The following OTOGL variants were observed in gnomAD, a reference collection of about 807,000 sequenced individuals.
OTOGL encodes otogelin-like protein.
In OTOGL, 285 loss-of-function variants were observed where a neutral mutation model predicts 318.5. The observed-to-expected ratio is 0.89, with a 90% confidence interval of 0.81 to 0.99. The LOEUF (loss-of-function observed/expected upper bound fraction) is 0.99, where lower values mean the gene tolerates loss of function less well. OTOGL is among the 50% of genes least tolerant of loss of function. The probability of loss-of-function intolerance (pLI) is 0.00; values close to 1 mark genes in which losing one functional copy is unlikely to be tolerated. For synonymous variants in OTOGL, 987 were observed against 936.5 expected (o/e 1.05, Z -0.99); for missense variants, 2,899 against 2,845.6 (o/e 1.02, Z -0.43).
At chr12:80,309,432 G>GGA (rs1886482240) in intron 29 of OTOGL, among the ~76,000 whole-genome samples, 4 of 152,250 alleles carry the variant, frequency 2.6e-5, no homozygotes, top group Non-Finnish European at 4.4e-5. Flanking sequence ...GGAAAGGAGG[G>GGA]AGCAGCCACC....
intron 1 of OTOGL, among the ~76,000 whole-genome samples, chr12:80,109,113 G>A (rs1869677303): frequency 1.3e-5 from 2 of 151,276 alleles, no homozygotes; most frequent in African/African-American, 4.9e-5. Context: ...GGTTCATCTT[G>A]TGCTTCTTAT....
At chr12:80,152,031 A>T (rs1262479453) in intron 1 of OTOGL, among the ~76,000 whole-genome samples, 3 of 152,180 alleles carry the variant, frequency 2.0e-5, no homozygotes, top group Non-Finnish European at 4.4e-5. Flanking sequence ...TTAAGTTATG[A>T]TAGATCTGAG....
intron 26 of OTOGL, among the ~76,000 whole-genome samples, chr12:80,292,641 G>C (rs1274954705): frequency 6.6e-6 from 1 of 152,180 alleles, no homozygotes; most frequent in African/African-American, 2.4e-5. Flanking sequence ...GTCTGTGCAT[G>C]ACAAAAGTCT....
intron 8 of OTOGL, among the ~76,000 whole-genome samples, chr12:80,231,890 G>T (rs1341072361): frequency 6.6e-6 from 1 of 151,312 alleles, no homozygotes; most frequent in Non-Finnish European, 1.5e-5. Context: ...ACCCACCTTG[G>T]CCTCCCAAAG....
Position 80,367,704 on chromosome 12 carries a change from T to C in OTOGL, c.6475T>C (p.Phe2159Leu), listed in dbSNP as rs1890634721. The change falls in exon 54 of 59, where the codon TTT (phenylalanine) becomes CTT (leucine). Residue 2159 changes from phenylalanine to leucine, a missense_variant. Phe to Leu is a conservative substitution (Grantham distance 22). Transcript: ENST00000547103. ...DNHTGFHTLN[F>L]TLVNCSKKCD... ...CCATACGGGCTTTCACACTCTGAAT[T>C]TTACACTGGTGAATTGTTCAAAAAA... 5 of 1,461,338 alleles carry C rather than the reference T, an allele frequency of 3.4e-6. No individual in the cohort carries two copies. Among genetic ancestry groups the C allele is most frequent in the Middle Eastern group, 1.8e-4 (1 of 5,544 alleles). 90.5% of individuals were successfully genotyped at this position (1,461,338 alleles called of 1,614,324 possible). A position where few individuals can be genotyped will look rare whatever the true frequency, so the allele number is the denominator to read the frequency against.
intron 34 of OTOGL, among the ~76,000 whole-genome samples, chr12:80,323,097 TACACACACACACACACACACACACAC>T (rs200949284): frequency 3.9e-5 from 5 of 127,056 alleles, no homozygotes; most frequent in Admixed American, 8.1e-5. Flanking sequence ...GAAAACCCAC[TACACACACACACACACACACACACAC>T]ACACACACAC....
chr12:80,261,941 G>T, intron 18 of OTOGL, 28 bp from the exon 19 acceptor site: 2 of 1,603,820 alleles, frequency 1.2e-6, no homozygotes, highest in Non-Finnish European at 1.7e-6. Flanking sequence ...AGAGATACAT[G>T]AAGATGAGCA....
At chr12:80,250,872 C>A (rs1220210454) in intron 11 of OTOGL, among the ~76,000 whole-genome samples, 2 of 152,050 alleles carry the variant, frequency 1.3e-5, no homozygotes, top group Admixed American at 6.6e-5. Context: ...TTGATAAGTG[C>A]CTTGTTAATC....
At position 80,100,023 on chromosome 12, in the gene OTOGL, A is replaced by G. The variant is rs187252037; in HGVS notation, c.-20+418A>G. 1.9e-3 allele frequency among the ~76,000 whole-genome samples: 282 copies of G among 152,294 alleles called. 1 individual carries two copies. Among genetic ancestry groups the G allele is most frequent in the Non-Finnish European group, 2.8e-3 (189 of 68,016 alleles). ...CTGAAAGTCAGCTCTAAAAGGATCAATTACACACATGGCTCCTGCCCATTT... is the reference window on the plus strand; with the variant it reads ...CTGAAAGTCAGCTCTAAAAGGATCAGTTACACACATGGCTCCTGCCCATTT... On this transcript the variant is annotated intron_variant, in intron 1 of 58. Coordinates refer to ENST00000547103, the MANE Select transcript of OTOGL (RefSeq NM_001378609.3).
intron 33 of OTOGL, among the ~76,000 whole-genome samples, chr12:80,319,745 TA>T (rs1385519035): frequency 6.6e-6 from 1 of 152,190 alleles, no homozygotes; most frequent in African/African-American, 2.4e-5. Flanking sequence ...AATCTCAATT[TA>T]AAAACTTTTA....
At chr12:80,377,098 A>T (rs772907738) in intron 57 of OTOGL, 25 bp from the exon 58 acceptor site, 1 of 1,545,514 alleles carries the variant, frequency 6.5e-7, no homozygotes, top group South Asian at 1.2e-5. Flanking sequence ...CCTTTGATGA[A>T]TAAATACATT....
At chr12:80,337,265 G>T (rs1888474873) in intron 42 of OTOGL, among the ~76,000 whole-genome samples, 1 of 151,946 alleles carries the variant, frequency 6.6e-6, no homozygotes, top group South Asian at 2.1e-4. Flanking sequence ...GAGATAGTGT[G>T]ATTGGCCAGT....
Position 80,370,677 on chromosome 12 carries a change from T to G in OTOGL, c.6723T>G (p.Thr2241=). 1 of 1,579,390 alleles carries G rather than the reference T, an allele frequency of 6.3e-7. No homozygotes were observed. The highest frequency in any genetic ancestry group is 8.6e-7 in the Non-Finnish European group (1 of 1,159,188). Residue 2241 remains threonine, a synonymous_variant, in exon 56 of 59, where the codon ACT becomes ACG. Transcript: ENST00000547103. ...YTMVCPPFNE[T]ECKMNEGIVK... ...TGGTCTGTCCCCCTTTTAATGAGACTGAATGCAAAATGGTTTGTACTTTGT... is the reference window on the plus strand; with the variant it reads ...TGGTCTGTCCCCCTTTTAATGAGACGGAATGCAAAATGGTTTGTACTTTGT...
intron 3 of OTOGL, 85 bp from the exon 4 acceptor site, chr12:80,211,864 G>A: frequency 9.0e-7 from 1 of 1,108,216 alleles, no homozygotes; most frequent in Admixed American, 2.3e-5. Flanking sequence ...AAATCAGGAG[G>A]AAAACACCAG....
At chr12:80,153,791 A>G (rs545551346) in intron 1 of OTOGL, among the ~76,000 whole-genome samples, 1 of 152,144 alleles carries the variant, frequency 6.6e-6, no homozygotes, top group Non-Finnish European at 1.5e-5. Flanking sequence ...AGAATGTCAC[A>G]TAGTTGGAAT....
chr12:80,309,755 G>T (rs895108366), intron 29 of OTOGL, among the ~76,000 whole-genome samples: 4 of 152,162 alleles, frequency 2.6e-5, no homozygotes, highest in Non-Finnish European at 4.4e-5. Flanking sequence ...AGTCGGGGAA[G>T]GACAATGGTG....
In OTOGL at chr12:80,367,665, G is replaced by T. The variant is rs1326817930; in HGVS notation, c.6436G>T (p.Glu2146Ter). 4 of 1,496,090 alleles carry T rather than the reference G, an allele frequency of 2.7e-6. No individual in the cohort carries two copies. In the East Asian group the frequency reaches 7.4e-5, roughly 28 times the overall value. 92.7% of individuals were successfully genotyped at this position (1,496,090 alleles called of 1,614,324 possible). ...EDFCYAIECL[E>*]EKDNHTGFHT... ...CTTTTGTTATGCTATAGAGTGTCTG[G>T]AAGAAAAAGATAACCATACGGGCTT... Residue 2146 changes from glutamate to a stop codon, truncating the protein, a stop_gained, in exon 54 of 59, where the codon GAA (glutamate) becomes TAA (stop). Coordinates refer to ENST00000547103, the MANE Select transcript of OTOGL (RefSeq NM_001378609.3). LOFTEE classifies it high-confidence loss of function.
intron 1 of OTOGL, among the ~76,000 whole-genome samples, chr12:80,148,892 T>C (rs1397951525): frequency 3.3e-5 from 5 of 152,192 alleles, no homozygotes; most frequent in Admixed American, 6.5e-5. Flanking sequence ...CGAGCCTTGG[T>C]TTTCAGCTCC....
chr12:80,226,656 C>G (rs549705910), intron 7 of OTOGL, among the ~76,000 whole-genome samples: 93 of 152,180 alleles, frequency 6.1e-4, no homozygotes, highest in African/African-American at 2.1e-3. Flanking sequence ...TTTCCTCTTT[C>G]TTGGTTCCCA....
Sources: gnomAD v4.1 joint callset for allele counts (sites outside exome capture counted in the v4.1 genomes callset) on GRCh38, gnomAD v4.1.1 for gene constraint, MANE v1.5 for transcripts, NCBI Gene and HGNC (gene_info 2026-07-23, HGNC 2026-07-21) for gene names.